The following GHR variants were observed in gnomAD, a reference collection of about 807,000 sequenced individuals.
The protein encoded by GHR is growth hormone receptor, also known as GH receptor.
In GHR, 35 loss-of-function variants were observed where a neutral mutation model predicts 67.1. The ratio of observed to expected loss-of-function variants is 0.52; its 90% CI spans 0.40 to 0.69. The LOEUF is 0.69. GHR is among the 30% of genes least tolerant of loss of function. The probability of loss-of-function intolerance (pLI) is 0.00; values close to 1 mark genes in which losing one functional copy is unlikely to be tolerated. For synonymous variants in GHR, 272 were observed against 269.1 expected (o/e 1.01, Z -0.10); for missense variants, 792 against 764.6 (o/e 1.04, Z -0.42).
At chr5:42,643,675 T>G (rs774967857) in intron 3 of GHR, among the ~76,000 whole-genome samples, 7 of 152,166 alleles carry the variant, frequency 4.6e-5, no homozygotes, top group Non-Finnish European at 1.0e-4. Context: ...TGGCAAAATA[T>G]TAGCATGAAT....
rs114407019 is a variant in GHR, at chr5:42,593,214, C to G, written c.70+27270C>G. 3.9e-3 allele frequency among the ~76,000 whole-genome samples: 596 copies of G among 152,286 alleles called. 3 individuals carry two copies. Among genetic ancestry groups the G allele is most frequent in the African/African-American group, 0.014 (575 of 41,556 alleles). On this transcript the variant is annotated intron_variant, in intron 2 of 9. Transcript: ENST00000230882. ...TCTTGGATGCAAATGCCTTGTGTCA[C>G]GTACTATATCTCATAAATCTATATT...
intron 2 of GHR, among the ~76,000 whole-genome samples, chr5:42,571,263 C>T (rs143182833): frequency 0.014 from 2,195 of 152,314 alleles, 22 homozygotes; most frequent in Middle Eastern, 0.034. Context: ...TTTCTCTGAA[C>T]TCCTCATGCC....
chr5:42,704,939 TTTTG>T (rs1280355262), intron 6 of GHR, among the ~76,000 whole-genome samples: 3 of 151,812 alleles, frequency 2.0e-5, no homozygotes, highest in South Asian at 2.1e-4. Context: ...GATTGGTTGA[TTTTG>T]TTTATCTTTT....
At chr5:42,586,575 C>T (rs1026692471) in intron 2 of GHR, among the ~76,000 whole-genome samples, 12 of 152,196 alleles carry the variant, frequency 7.9e-5, no homozygotes, top group African/African-American at 2.4e-4. Context: ...GCAAAACCTA[C>T]TTGTCTTATT....
chr5:42,676,349 T>C (rs1756574288), intron 3 of GHR, among the ~76,000 whole-genome samples: 1 of 152,210 alleles, frequency 6.6e-6, no homozygotes, highest in Non-Finnish European at 1.5e-5. Context: ...AACTCTAAGC[T>C]AGTAAGTGCT....
In GHR at chr5:42,711,389, A is replaced by G; in HGVS notation, c.784+17A>G. On this transcript the variant is annotated intron_variant, in intron 7 of 9. Transcript: ENST00000230882. The stretch of plus-strand genomic sequence containing the variant: ...GTGAAGAAGGTAAAAGAAATAAAAG[A>G]TTAAAATAGTAGCTAACCTGGCTTT... The G allele has an allele frequency of 1.3e-6, 2 of 1,580,254 alleles. No homozygotes were observed.
At position 42,719,259 on chromosome 5, in the gene GHR, T is replaced by C. The variant is rs142531325; in HGVS notation, c.1752T>C (p.His584=). 2.1e-4 allele frequency: 343 copies of C among 1,614,116 alleles called. 1 individual carries two copies. The African/African-American group carries it at 4.3e-3, about 20-fold the overall frequency. The change falls in exon 10 of 10, where the codon CAT becomes CAC. Residue 584 remains histidine, a synonymous_variant. Transcript: ENST00000230882. ...CTGGGAGGCCTGGGACAGGAGAACATGTTCCAGGTTCTGAGATGCCTGTCC... is the reference window on the plus strand; with the variant it reads ...CTGGGAGGCCTGGGACAGGAGAACACGTTCCAGGTTCTGAGATGCCTGTCC... ...TAAGRPGTGE[H]VPGSEMPVPD... is the part of the protein sequence containing the mutation.
rs561408294 is a variant in GHR, at chr5:42,527,292, A to G, written c.-11-38572A>G. ...AAGGCACAGAGTGGCAAGCTGGATAAAAAAGAAAGACCCAATGGTATCCTG... is the reference window on the plus strand; with the variant it reads ...AAGGCACAGAGTGGCAAGCTGGATAGAAAAGAAAGACCCAATGGTATCCTG... On this transcript the variant is annotated intron_variant, in intron 1 of 9. Coordinates refer to ENST00000230882, the MANE Select transcript of GHR (RefSeq NM_000163.5). 5.9e-5 allele frequency among the ~76,000 whole-genome samples: 9 copies of G among 152,330 alleles called. No individual in the cohort carries two copies. The South Asian group carries it at 1.9e-3, about 32-fold the overall frequency.
Position 42,720,226 on chromosome 5 carries a change from A to C in GHR, c.*802A>C, listed in dbSNP as rs1051055854. The C allele has an allele frequency of 1.3e-5, 2 of 152,272 alleles. No homozygotes were observed. The highest frequency in any genetic ancestry group is 4.8e-5 in the African/African-American group (2 of 41,466). The allele number at this position is 152,272 out of a possible 1,614,324, so 9.4% of individuals were successfully genotyped here. On this transcript the variant is annotated 3_prime_UTR_variant, in exon 10 of 10. Coordinates refer to ENST00000230882, the MANE Select transcript of GHR (RefSeq NM_000163.5). ...ATTGTTTTATCTGAATTTTTAAACA[A>C]GTATTTGTTAATTTAGAAAACTTTA...
chr5:42,622,477 G>T (rs142814933), intron 2 of GHR, among the ~76,000 whole-genome samples: 1 of 152,134 alleles, frequency 6.6e-6, no homozygotes. Context: ...GAGGGGTATG[G>T]AAGGGCAAGG....
intron 2 of GHR, among the ~76,000 whole-genome samples, chr5:42,601,416 G>C (rs1010958725): frequency 2.0e-5 from 3 of 151,694 alleles, no homozygotes; most frequent in South Asian, 4.2e-4. Context: ...ATTTTAATCT[G>C]TTCATGAGGA....
chr5:42,540,104 AT>A (rs1464641292), intron 1 of GHR, among the ~76,000 whole-genome samples: 6 of 152,060 alleles, frequency 3.9e-5, no homozygotes, highest in African/African-American at 1.4e-4. Context: ...GCTGTAGATT[AT>A]ATTGATAGAT....
chr5:42,671,940 A>C (rs187145248), intron 3 of GHR, among the ~76,000 whole-genome samples: 2,181 of 137,318 alleles, frequency 0.016, 25 homozygotes, highest in Non-Finnish European at 0.022. Flanking sequence ...TGGGCGACAG[A>C]GCAAGACTCC....
At chr5:42,645,047 T>G (rs758926581) in intron 3 of GHR, among the ~76,000 whole-genome samples, 2 of 152,206 alleles carry the variant, frequency 1.3e-5, no homozygotes, top group Non-Finnish European at 2.9e-5. Context: ...GGAAATGTCC[T>G]TATATGAACA....
At chr5:42,529,889 C>A (rs1409218650) in intron 1 of GHR, among the ~76,000 whole-genome samples, 1 of 151,622 alleles carries the variant, frequency 6.6e-6, no homozygotes, top group Admixed American at 6.6e-5. Context: ...GCCCTATCTT[C>A]TTCACCTGAA....
intron 1 of GHR, among the ~76,000 whole-genome samples, chr5:42,489,443 T>C (rs1746019665): frequency 2.0e-5 from 3 of 152,164 alleles, no homozygotes; most frequent in Non-Finnish European, 4.4e-5. Flanking sequence ...GACTGTAACA[T>C]CTTGGTCTCC....
intron 3 of GHR, among the ~76,000 whole-genome samples, chr5:42,681,750 C>G (rs980980028): frequency 3.4e-4 from 52 of 152,158 alleles, no homozygotes; most frequent in Non-Finnish European, 2.6e-4. Context: ...TCCTGGCTAA[C>G]ATGGTGAAAC....
chr5:42,513,718 G>T (rs1030135851), intron 1 of GHR, among the ~76,000 whole-genome samples: 1 of 151,868 alleles, frequency 6.6e-6, no homozygotes, highest in Non-Finnish European at 1.5e-5. Flanking sequence ...GGAGGCGGAG[G>T]TTGTGGTGAG....
chr5:42,529,013 CTTT>C (rs60879144), intron 1 of GHR, among the ~76,000 whole-genome samples: 3 of 143,502 alleles, frequency 2.1e-5, no homozygotes. Flanking sequence ...ATACACGTAA[CTTT>C]TTTTTTTTTT....
Sources: allele counts gnomAD v4.1 joint callset (sites outside exome capture counted in the v4.1 genomes callset), GRCh38; gene constraint gnomAD v4.1.1; transcripts MANE v1.5; gene names NCBI Gene and HGNC (gene_info 2026-07-23, HGNC 2026-07-21).